GRM1: variants seen among roughly 807,000 people sequenced by gnomAD.
GRM1 encodes metabotropic glutamate receptor 1.
GRM1 carries 33 observed loss-of-function variants against 90.9 expected under a neutral mutation model. That is an observed-to-expected ratio of 0.36 (90% confidence interval 0.28 to 0.49). The LOEUF (loss-of-function observed/expected upper bound fraction) is 0.49. Among genes scored for constraint, GRM1 ranks in the 20% least tolerant of loss-of-function variants. The pLI, the probability that GRM1 is intolerant of heterozygous loss-of-function variation, is 0.99. For missense variants in GRM1, 1,190 were observed against 1,534.3 expected (o/e 0.78, Z 3.75); for synonymous variants, 700 against 613.2 (o/e 1.14, Z -2.09).
chr6:146,347,214 C>CTGTTGT (rs1785217309), intron 3 of GRM1, among the ~76,000 whole-genome samples: 3 of 152,156 alleles, frequency 2.0e-5, no homozygotes, highest in African/African-American at 7.2e-5. Context: ...TAACAAATGT[C>CTGTTGT]CTGTTGTCTG....
At chr6:146,143,658 T>C (rs1776981291) in intron 1 of GRM1, among the ~76,000 whole-genome samples, 1 of 152,140 alleles carries the variant, frequency 6.6e-6, no homozygotes, top group Non-Finnish European at 1.5e-5. Flanking sequence ...ACAAATGCTT[T>C]CTCCTCCCCT....
At chr6:146,052,923 C>T (rs1371623884) in intron 1 of GRM1, among the ~76,000 whole-genome samples, 2 of 151,940 alleles carry the variant, frequency 1.3e-5, no homozygotes, top group Non-Finnish European at 2.9e-5. Context: ...TAGAACAATG[C>T]CTGATGCCCC....
rs185311129 is a variant in GRM1 at position 146,310,316 on chromosome 6, A to G, written c.1186+5470A>G. On this transcript the variant is annotated intron_variant, in intron 3 of 7. Coordinates refer to ENST00000282753, the MANE Select transcript of GRM1 (RefSeq NM_001278064.2). ...GAATTAACTTATTTTATAAGGCCAGATAAGATCAGTCCATTAGAGTTTGAT... is the reference window on the plus strand; with the variant it reads ...GAATTAACTTATTTTATAAGGCCAGGTAAGATCAGTCCATTAGAGTTTGAT... 1.6e-4 allele frequency among the ~76,000 whole-genome samples: 24 copies of G among 152,336 alleles called. 1 individual carries two copies. The highest frequency in any genetic ancestry group is 1.5e-3 in the Admixed American group (23 of 15,302).
intron 2 of GRM1, among the ~76,000 whole-genome samples, chr6:146,230,914 T>C (rs2114703171): frequency 6.6e-6 from 1 of 152,208 alleles, no homozygotes; most frequent in South Asian, 2.1e-4. Context: ...CTGAAAAAAC[T>C]ACATACTATA....
chr6:146,229,805 C>T (rs977831261), intron 2 of GRM1, among the ~76,000 whole-genome samples: 1 of 152,012 alleles, frequency 6.6e-6, no homozygotes, highest in East Asian at 1.9e-4. Context: ...TATGCTAAGA[C>T]TTATATACAC....
chr6:146,397,296 A>G (rs1315396187), intron 6 of GRM1, among the ~76,000 whole-genome samples: 1 of 151,868 alleles, frequency 6.6e-6, no homozygotes, highest in Non-Finnish European at 1.5e-5. Context: ...AACACAGTGA[A>G]ACCCCGTCTC....
intron 3 of GRM1, among the ~76,000 whole-genome samples, chr6:146,327,147 A>G (rs1371318615): frequency 1.3e-5 from 2 of 152,174 alleles, no homozygotes; most frequent in East Asian, 3.8e-4. Flanking sequence ...CTTAATTTTT[A>G]TCTAATGCCT....
At chr6:146,341,548 TG>T (rs747971373) in intron 3 of GRM1, among the ~76,000 whole-genome samples, 109 of 152,336 alleles carry the variant, frequency 7.2e-4, no homozygotes, top group Non-Finnish European at 3.7e-4. Context: ...GGGAGAATCT[TG>T]ATATGTTGCC....
chr6:146,401,020 T>C (rs1176989039), intron 7 of GRM1, among the ~76,000 whole-genome samples: 1 of 152,164 alleles, frequency 6.6e-6, no homozygotes, highest in African/African-American at 2.4e-5. Context: ...TTAAATGATA[T>C]GATACTTCTC....
Position 146,375,381 on chromosome 6 carries a change from G to T in GRM1, c.1603-11509G>T, listed in dbSNP as rs149971712. Among the ~76,000 whole-genome samples the T allele has an allele frequency of 9.3e-4, 141 of 152,114 alleles. 1 individual carries two copies. The highest frequency in any genetic ancestry group is 3.1e-3 in the African/African-American group (129 of 41,542). On this transcript the variant is annotated intron_variant, in intron 5 of 7. Coordinates refer to ENST00000282753, the MANE Select transcript of GRM1 (RefSeq NM_001278064.2). ...AGTGTGTATTCTGCAGCTCTTAGATGAAATCTTCTGTAATTATCTATTAGA... is the reference window on the plus strand; with the variant it reads ...AGTGTGTATTCTGCAGCTCTTAGATTAAATCTTCTGTAATTATCTATTAGA...
intron 3 of GRM1, among the ~76,000 whole-genome samples, chr6:146,318,484 G>A (rs780139430): frequency 2.8e-4 from 43 of 152,110 alleles, no homozygotes; most frequent in African/African-American, 6.7e-4. Context: ...GTGTATTTAT[G>A]GTAAAATCAT....
At chr6:146,289,370 A>G (rs1402802029) in intron 2 of GRM1, among the ~76,000 whole-genome samples, 1 of 152,214 alleles carries the variant, frequency 6.6e-6, no homozygotes, top group East Asian at 1.9e-4. Flanking sequence ...AATTAGAAAA[A>G]CGTCTATGGA....
intron 2 of GRM1, among the ~76,000 whole-genome samples, chr6:146,206,595 TGTTTGTTA>T (rs1779502026): frequency 6.6e-6 from 1 of 151,772 alleles, no homozygotes; most frequent in South Asian, 2.1e-4. Flanking sequence ...CAGACTTGGA[TGTTTGTTA>T]GTTTCTTCAA....
chr6:146,310,495 T>C (rs1175047287), intron 3 of GRM1, among the ~76,000 whole-genome samples: 3 of 152,144 alleles, frequency 2.0e-5, no homozygotes, highest in African/African-American at 4.8e-5. Flanking sequence ...CAGAAGTTGG[T>C]ATTATTAGTT....
At chr6:146,421,953 CA>C (rs1190975010) in intron 7 of GRM1, among the ~76,000 whole-genome samples, 2 of 152,100 alleles carry the variant, frequency 1.3e-5, no homozygotes, top group African/African-American at 4.8e-5. Context: ...GGAAAGCAAT[CA>C]GAGGCACAAA....
intron 1 of GRM1, among the ~76,000 whole-genome samples, chr6:146,129,350 G>T (rs1184567060): frequency 3.3e-5 from 5 of 152,138 alleles, no homozygotes; most frequent in African/African-American, 4.8e-5. Flanking sequence ...CCTTCTTCTT[G>T]AAGTGCAGTG....
intron 2 of GRM1, among the ~76,000 whole-genome samples, chr6:146,264,267 T>G (rs1394026071): frequency 6.6e-6 from 1 of 152,080 alleles, no homozygotes; most frequent in African/African-American, 2.4e-5. Context: ...TGTTCTAAAA[T>G]GAGTCATTAG....
At chr6:146,153,651 G>C (rs1777419790) in intron 1 of GRM1, among the ~76,000 whole-genome samples, 1 of 152,176 alleles carries the variant, frequency 6.6e-6, no homozygotes, top group African/African-American at 2.4e-5. Flanking sequence ...GCGGTGCAGG[G>C]AGGGAGAGCA....
intron 5 of GRM1, among the ~76,000 whole-genome samples, chr6:146,362,379 T>A (rs1032404545): frequency 6.6e-6 from 1 of 152,132 alleles, no homozygotes; most frequent in East Asian, 1.9e-4. Flanking sequence ...CTGTTTTCAT[T>A]TATGAAATAA....
Sources: gnomAD v4.1 joint callset for allele counts (sites outside exome capture counted in the v4.1 genomes callset) on GRCh38, gnomAD v4.1.1 for gene constraint, MANE v1.5 for transcripts, NCBI Gene and HGNC (gene_info 2026-07-23, HGNC 2026-07-21) for gene names.